TRPC7: variants seen among roughly 807,000 people sequenced by gnomAD.
The protein encoded by TRPC7 is transient receptor potential cation channel subfamily C member 7, also known as short transient receptor potential channel 7.
In TRPC7, 42 loss-of-function variants were observed where a neutral mutation model predicts 90.1. That is an observed-to-expected ratio of 0.47 (90% CI 0.36 to 0.60). TRPC7 has a LOEUF of 0.60. Among genes scored for constraint, TRPC7 ranks in the 20% least tolerant of loss-of-function variants. TRPC7 has a pLI of 0.00. For missense variants in TRPC7, 955 were observed against 1,112.3 expected (o/e 0.86, Z 2.01); for synonymous variants, 451 against 436.3 (o/e 1.03, Z -0.42).
At chr5:136,313,947 AT>A (rs1237952897) in intron 3 of TRPC7, among the ~76,000 whole-genome samples, 1 of 152,204 alleles carries the variant, frequency 6.6e-6, no homozygotes, top group Non-Finnish European at 1.5e-5. Context: ...AAAAGAGGAC[AT>A]ATAGTTATCA....
intron 5 of TRPC7, among the ~76,000 whole-genome samples, chr5:136,264,569 G>A (rs1580877547): frequency 1.3e-5 from 2 of 152,074 alleles, no homozygotes; most frequent in East Asian, 1.9e-4. Context: ...ATGAGCCTTT[G>A]GTCACAGGGT....
chr5:136,283,192 G>A (rs192654072), intron 3 of TRPC7, among the ~76,000 whole-genome samples: 11 of 152,338 alleles, frequency 7.2e-5, no homozygotes, highest in African/African-American at 2.4e-4. Context: ...ATGTGCCAGC[G>A]GGGCCCACAT....
chr5:136,302,713 TA>T (rs1228807599), intron 3 of TRPC7, among the ~76,000 whole-genome samples: 3 of 152,184 alleles, frequency 2.0e-5, no homozygotes, highest in Non-Finnish European at 2.9e-5. Context: ...TAGTTCCAAA[TA>T]GCTGGAAAAT....
rs1760419758 is a variant in TRPC7 at position 136,357,255 on chromosome 5, C to T, written c.133G>A (p.Glu45Lys). ...TACTCAGCCGAGTCCAGGAAGCGCT[C>T]CTCCTCGGGCGTCAGACTGGTGCCC... ...EKGTSLTPEE[E>K]RFLDSAEYGN... Residue 45 changes from glutamate to lysine, a missense_variant, in exon 2 of 12, where the codon GAG becomes AAG. Glu to Lys is a moderately conservative substitution (Grantham distance 56). Transcript: ENST00000513104. 6.2e-7 allele frequency: 1 copy of T among 1,613,612 alleles called. No individual in the cohort carries two copies. Among genetic ancestry groups the T allele is most frequent in the Non-Finnish European group, 8.5e-7 (1 of 1,179,942 alleles).
chr5:136,348,691 G>A (rs1195327906), intron 2 of TRPC7, among the ~76,000 whole-genome samples: 1 of 152,144 alleles, frequency 6.6e-6, no homozygotes, highest in Non-Finnish European at 1.5e-5. Context: ...ATTTTCAGAT[G>A]GCTCTGTTAC....
At chr5:136,343,483 A>T (rs1478082362) in intron 2 of TRPC7, among the ~76,000 whole-genome samples, 1 of 152,194 alleles carries the variant, frequency 6.6e-6, no homozygotes, top group Admixed American at 6.5e-5. Flanking sequence ...GGGGGAAGGA[A>T]TACTACACAG....
chr5:136,219,242 G>A (rs17169970), intron 10 of TRPC7, among the ~76,000 whole-genome samples: 16 of 152,340 alleles, frequency 1.1e-4, no homozygotes, highest in African/African-American at 2.4e-4. Flanking sequence ...TGGCATGCTC[G>A]ATCTGAGCCA....
chr5:136,359,371 C>G (rs955589808), intron 1 of TRPC7, among the ~76,000 whole-genome samples: 2 of 152,182 alleles, frequency 1.3e-5, no homozygotes, highest in Non-Finnish European at 2.9e-5. Context: ...CCTCAAAAGG[C>G]AACTGTGGGT....
rs74726670 is a variant in TRPC7 at position 136,221,743 on chromosome 5, T to C, written c.2343+3531A>G. 3.3e-3 allele frequency among the ~76,000 whole-genome samples: 509 copies of C among 152,326 alleles called. 2 individuals are homozygous for C. Among genetic ancestry groups the C allele is most frequent in the African/African-American group, 0.012 (491 of 41,572 alleles). On this transcript the variant is annotated intron_variant, in intron 10 of 11. Transcript: ENST00000513104. ...AGAAGAAATAGGCACTGGCAAGTTG[T>C]CCATCCTCTTTGCTTTGATCTCTTC...
chr5:136,260,985 G>A (rs1756838014), intron 5 of TRPC7, among the ~76,000 whole-genome samples: 1 of 152,168 alleles, frequency 6.6e-6, no homozygotes, highest in Non-Finnish European at 1.5e-5. Context: ...TGGGAGAAAA[G>A]AACTGTGCTA....
intron 3 of TRPC7, among the ~76,000 whole-genome samples, chr5:136,276,870 G>A (rs1757381452): frequency 6.6e-6 from 1 of 152,254 alleles, no homozygotes; most frequent in Non-Finnish European, 1.5e-5. Context: ...CTCAGAGGGA[G>A]TGGTGGGTGA....
intron 3 of TRPC7, among the ~76,000 whole-genome samples, chr5:136,307,574 A>G (rs898203982): frequency 2.0e-5 from 3 of 152,244 alleles, no homozygotes; most frequent in Admixed American, 6.5e-5. Context: ...CTGGATCCTG[A>G]AAACAGCCAA....
intron 2 of TRPC7, among the ~76,000 whole-genome samples, chr5:136,327,485 C>T (rs978219597): frequency 2.6e-5 from 4 of 152,132 alleles, no homozygotes; most frequent in African/African-American, 9.7e-5. Flanking sequence ...GGTGGCACAT[C>T]GCTCAGAGAA....
chr5:136,359,687 G>A (rs55996753), intron 1 of TRPC7, among the ~76,000 whole-genome samples: 16,670 of 151,976 alleles, frequency 0.11, 1,171 homozygotes, highest in Non-Finnish European at 0.16. Flanking sequence ...TTACTGAGTC[G>A]AAAGCTAAGC....
chr5:136,244,919 G>A (rs1561685124), intron 7 of TRPC7, among the ~76,000 whole-genome samples: 15 of 152,232 alleles, frequency 9.9e-5, no homozygotes, highest in Admixed American at 8.5e-4. Flanking sequence ...TCAGTACTCA[G>A]GTGTCTTTTC....
intron 2 of TRPC7, among the ~76,000 whole-genome samples, chr5:136,330,744 C>A (rs1759474430): frequency 6.6e-6 from 1 of 152,226 alleles, no homozygotes; most frequent in Admixed American, 6.5e-5. Flanking sequence ...AAGTCACCAG[C>A]AGGTGTGTGG....
intron 8 of TRPC7, among the ~76,000 whole-genome samples, chr5:136,230,941 G>C (rs549367428): frequency 6.6e-6 from 1 of 152,308 alleles, no homozygotes; most frequent in East Asian, 1.9e-4. Context: ...GGCAGGAACT[G>C]TGTCTTAGTC....
chr5:136,213,284 A>G lies in TRPC7; in HGVS notation c.*151T>C. The G allele has an allele frequency of 1.3e-6, 1 of 774,022 alleles. No homozygotes were observed. The highest frequency in any genetic ancestry group is 2.1e-6 in the Non-Finnish European group (1 of 484,914). The allele number at this position is 774,022 out of a possible 1,614,324, so 47.9% of individuals were successfully genotyped here. A position where few individuals can be genotyped will look rare whatever the true frequency, so the allele number is the denominator to read the frequency against. On this transcript the variant is annotated 3_prime_UTR_variant, in exon 12 of 12. Coordinates refer to ENST00000513104, the MANE Select transcript of TRPC7 (RefSeq NM_020389.3). ...GTCTAGGCAGGCCAGCGGGCTGGAG[A>G]TGTCAGTCATGCTGCAAGAGACTGA...
intron 3 of TRPC7, among the ~76,000 whole-genome samples, chr5:136,283,348 T>G (rs1757606416): frequency 6.6e-6 from 1 of 152,218 alleles, no homozygotes. Flanking sequence ...CCATCTATTT[T>G]CCCCAGAAAT....
Sources: gnomAD v4.1 joint callset for allele counts (sites outside exome capture counted in the v4.1 genomes callset) on GRCh38, gnomAD v4.1.1 for gene constraint, MANE v1.5 for transcripts, NCBI Gene and HGNC (gene_info 2026-07-23, HGNC 2026-07-21) for gene names.